CRACD: variants seen among roughly 807,000 people sequenced by gnomAD.
The protein encoded by CRACD is capping protein inhibiting regulator of actin dynamics, also known as capping protein-inhibiting regulator of actin dynamics.
CRACD carries 56 observed loss-of-function variants against 106.8 expected under a neutral mutation model. The ratio of observed to expected loss-of-function variants is 0.52; its 90% CI spans 0.42 to 0.66. The LOEUF is 0.66. Ranked by LOEUF, CRACD falls within the 30% of genes least tolerant of loss-of-function variation. The pLI, the probability that CRACD is intolerant of heterozygous loss-of-function variation, is 0.00. For missense variants in CRACD, 1,730 were observed against 1,623.2 expected (o/e 1.07, Z -1.13); for synonymous variants, 754 against 670.8 (o/e 1.12, Z -1.92).
At chr4:56,214,876 G>A (rs1738601333) in intron 2 of CRACD, among the ~76,000 whole-genome samples, 1 of 150,018 alleles carries the variant, frequency 6.7e-6, no homozygotes, top group South Asian at 2.1e-4. Context: ...GTTGGGTGTG[G>A]TGGTGTGCGC....
intron 2 of CRACD, among the ~76,000 whole-genome samples, chr4:56,195,606 T>C (rs1737570259): frequency 1.3e-5 from 2 of 152,132 alleles, no homozygotes; most frequent in African/African-American, 4.8e-5. Flanking sequence ...TAACTGACAA[T>C]ACAGAAGGGC....
chr4:56,263,614 T>C (rs10032587), intron 2 of CRACD, among the ~76,000 whole-genome samples: 40,870 of 152,084 alleles, frequency 0.27, 5,658 homozygotes, highest in African/African-American at 0.3. Flanking sequence ...CCCACCCTAC[T>C]TAGCTTATTT....
intron 1 of CRACD, among the ~76,000 whole-genome samples, chr4:56,150,804 GT>G (rs1735552490): frequency 6.6e-6 from 1 of 152,114 alleles, no homozygotes; most frequent in South Asian, 2.1e-4. Context: ...GTTATTTTCA[GT>G]TTTTGATTCT....
chr4:56,267,117 T>G (rs1188224861), intron 2 of CRACD, among the ~76,000 whole-genome samples: 2 of 127,500 alleles, frequency 1.6e-5, no homozygotes, highest in Non-Finnish European at 3.2e-5. Context: ...CTTTTAAATT[T>G]ATTTAAGTTT....
intron 1 of CRACD, among the ~76,000 whole-genome samples, chr4:56,111,929 T>G (rs1483260924): frequency 6.6e-6 from 1 of 152,196 alleles, no homozygotes; most frequent in East Asian, 1.9e-4. Context: ...GGATGTATAG[T>G]AGAGGAAGCA....
chr4:56,305,437 G>T (rs1283819731), intron 4 of CRACD, among the ~76,000 whole-genome samples: 2 of 152,150 alleles, frequency 1.3e-5, no homozygotes, highest in Non-Finnish European at 2.9e-5. Context: ...AGGCTGCAGG[G>T]TGAAATGGGC....
At chr4:56,139,321 C>G (rs1735114415) in intron 1 of CRACD, among the ~76,000 whole-genome samples, 1 of 152,062 alleles carries the variant, frequency 6.6e-6, no homozygotes, top group Non-Finnish European at 1.5e-5. Context: ...CTCCCTTCCT[C>G]TCTTCCTCTC....
At position 56,253,680 on chromosome 4, in the gene CRACD, T is replaced by C. The variant is rs1219767456; in HGVS notation, c.-188-18641T>C. The stretch of plus-strand genomic sequence containing the variant: ...CACAGCAATAGTTTCCCAAAGGGGC[T>C]GCATTTAGGTCATAGAAATTTGAAC... On this transcript the variant is annotated intron_variant, in intron 2 of 10. Coordinates refer to ENST00000682029, the MANE Select transcript of CRACD (RefSeq NM_001393381.1). 4.6e-4 allele frequency among the ~76,000 whole-genome samples: 70 copies of C among 152,240 alleles called. 1 individual carries two copies. The highest frequency in any genetic ancestry group is 4.6e-3 in the Admixed American group (70 of 15,286).
At chr4:56,296,041 C>G (rs940206292) in intron 3 of CRACD, among the ~76,000 whole-genome samples, 1 of 152,094 alleles carries the variant, frequency 6.6e-6, no homozygotes, top group Non-Finnish European at 1.5e-5. Context: ...CTTATTCTAG[C>G]TATTTAGTGT....
intron 1 of CRACD, among the ~76,000 whole-genome samples, chr4:56,137,716 G>A (rs766487309): frequency 6.6e-6 from 1 of 152,200 alleles, no homozygotes; most frequent in African/African-American, 2.4e-5. Context: ...TCACCAGCAT[G>A]GTGGTGCACG....
chr4:56,097,470 G>A (rs971667449), intron 1 of CRACD: 2 of 152,816 alleles, frequency 1.3e-5, no homozygotes, highest in African/African-American at 2.4e-5. Context: ...GTTAGTACTT[G>A]GATGGGAGAA....
chr4:56,303,730 C>T (rs879397775), intron 4 of CRACD, among the ~76,000 whole-genome samples: 1 of 152,190 alleles, frequency 6.6e-6, no homozygotes, highest in South Asian at 2.1e-4. Flanking sequence ...TTGGCCTTGG[C>T]CTTGGGTACC....
intron 1 of CRACD, among the ~76,000 whole-genome samples, chr4:56,095,432 C>T (rs183855389): frequency 7.2e-5 from 11 of 152,188 alleles, no homozygotes; most frequent in South Asian, 6.2e-4. Context: ...GTAGGGAATA[C>T]GGCAATTATA....
intron 8 of CRACD, chr4:56,320,748 A>C (rs777455820): frequency 6.5e-6 from 1 of 152,810 alleles, no homozygotes; most frequent in African/African-American, 2.4e-5. Context: ...CCAGTGTTGA[A>C]GCTTCTGAAT....
At chr4:56,095,605 G>A (rs1733574818) in intron 1 of CRACD, among the ~76,000 whole-genome samples, 2 of 152,182 alleles carry the variant, frequency 1.3e-5, no homozygotes, top group Admixed American at 1.3e-4. Context: ...TGGTCAAGAA[G>A]CAGTAAGACC....
At chr4:56,224,934 G>T (rs938859264) in intron 2 of CRACD, among the ~76,000 whole-genome samples, 2 of 152,162 alleles carry the variant, frequency 1.3e-5, no homozygotes, top group Admixed American at 6.5e-5. Context: ...TCCTCAATTG[G>T]TAAAAGATCT....
intron 2 of CRACD, among the ~76,000 whole-genome samples, chr4:56,222,834 A>G (rs1439766865): frequency 3.3e-5 from 5 of 151,854 alleles, no homozygotes; most frequent in African/African-American, 9.7e-5. Context: ...TTAGCTGGGC[A>G]TGTGGGTGGT....
At chr4:56,145,152 G>A (rs982753097) in intron 1 of CRACD, among the ~76,000 whole-genome samples, 10 of 152,084 alleles carry the variant, frequency 6.6e-5, no homozygotes, top group Non-Finnish European at 1.3e-4. Flanking sequence ...CTTATTTTAA[G>A]CTCATCCATA....
chr4:56,276,144 G>A (rs1016042876), intron 3 of CRACD, among the ~76,000 whole-genome samples: 7 of 151,960 alleles, frequency 4.6e-5, no homozygotes, highest in South Asian at 2.1e-4. Context: ...CATTCCTTGG[G>A]AAAAGCAAAG....
Sources: allele counts gnomAD v4.1 joint callset (sites outside exome capture counted in the v4.1 genomes callset), GRCh38; gene constraint gnomAD v4.1.1; transcripts MANE v1.5; gene names NCBI Gene and HGNC (gene_info 2026-07-23, HGNC 2026-07-21).